Variants in FUT8 observed in about 807,000 individuals in gnomAD.
FUT8 encodes the protein alpha-(1,6)-fucosyltransferase.
A neutral mutation model predicts 71.3 loss-of-function variants in FUT8; 29 were observed. The observed-to-expected ratio is 0.41, with a 90% CI of 0.30 to 0.55. The LOEUF is 0.55. FUT8 is among the 20% of genes least tolerant of loss of function. FUT8 has a pLI of 0.34. For synonymous variants in FUT8, 254 were observed against 239.3 expected (o/e 1.06, Z -0.57); for missense variants, 544 against 702.1 (o/e 0.77, Z 2.55).
chr14:65,463,167 T>G (rs578002118), intron 2 of FUT8, among the ~76,000 whole-genome samples: 1 of 152,324 alleles, frequency 6.6e-6, no homozygotes, highest in Non-Finnish European at 1.5e-5. Context: ...ATATAGAAAT[T>G]AAATAGACAT....
chr14:65,446,452 A>G (rs942308472), intron 1 of FUT8, among the ~76,000 whole-genome samples: 29 of 152,214 alleles, frequency 1.9e-4, no homozygotes, highest in Admixed American at 1.2e-3. Context: ...ACTTAGATGG[A>G]TTAATTCATT....
chr14:65,477,102 G>GT (rs1424342876), intron 2 of FUT8, among the ~76,000 whole-genome samples: 1 of 152,170 alleles, frequency 6.6e-6, no homozygotes. Context: ...CCATCAGGGT[G>GT]TTTGTTTGAA....
At position 65,630,108 on chromosome 14, in the gene FUT8, T is replaced by G. The variant is rs1279655725; in HGVS notation, c.597+502T>G. The stretch of plus-strand genomic sequence containing the variant: ...AGTACAGGAACCCATATGATAAGTG[T>G]GGCAGTTCAGTTTGTCTGGAATTTT... On this transcript the variant is annotated intron_variant, in intron 6 of 10. Coordinates refer to ENST00000673929, the MANE Select transcript of FUT8 (RefSeq NM_001371533.1). 2.6e-5 allele frequency among the ~76,000 whole-genome samples: 4 copies of G among 152,204 alleles called. No individual in the cohort carries two copies. In the East Asian group the frequency reaches 7.7e-4, roughly 29 times the overall value.
intron 3 of FUT8, among the ~76,000 whole-genome samples, chr14:65,600,682 A>T (rs544411967): frequency 6.6e-6 from 1 of 152,260 alleles, no homozygotes; most frequent in African/African-American, 2.4e-5. Flanking sequence ...ATTATGTATA[A>T]TCTTGTACCT....
At chr14:65,679,827 A>G (rs1288997377) in intron 7 of FUT8, among the ~76,000 whole-genome samples, 2 of 152,210 alleles carry the variant, frequency 1.3e-5, no homozygotes, top group Admixed American at 1.3e-4. Flanking sequence ...GCTCTAAAAA[A>G]GGGCTTGACA....
chr14:65,520,052 T>TA (rs1185971328), intron 2 of FUT8, among the ~76,000 whole-genome samples: 2 of 152,238 alleles, frequency 1.3e-5, no homozygotes, highest in Non-Finnish European at 2.9e-5. Flanking sequence ...GTGCTGGAAT[T>TA]ACAGGCATGA....
At chr14:65,512,569 G>C (rs963560121) in intron 2 of FUT8, among the ~76,000 whole-genome samples, 5 of 152,032 alleles carry the variant, frequency 3.3e-5, no homozygotes, top group African/African-American at 1.2e-4. Flanking sequence ...GTTACTGAAC[G>C]TTCTAAAGGA....
intron 2 of FUT8, among the ~76,000 whole-genome samples, chr14:65,503,203 A>G (rs1050877544): frequency 5.3e-5 from 8 of 152,342 alleles, no homozygotes; most frequent in Non-Finnish European, 1.0e-4. Context: ...AAATGTGCCT[A>G]TCACTTGTAA....
At chr14:65,470,663 G>T (rs1304792510) in intron 2 of FUT8, among the ~76,000 whole-genome samples, 1 of 152,122 alleles carries the variant, frequency 6.6e-6, no homozygotes, top group Non-Finnish European at 1.5e-5. Context: ...GCCTGATGTG[G>T]GGTGGACCCT....
chr14:65,551,672 A>G (rs778562542), intron 2 of FUT8, among the ~76,000 whole-genome samples: 16 of 152,174 alleles, frequency 1.1e-4, no homozygotes, highest in Non-Finnish European at 1.6e-4. Context: ...AAACTCATCA[A>G]GTTGTATATA....
intron 6 of FUT8, among the ~76,000 whole-genome samples, chr14:65,641,114 A>G (rs1890807618): frequency 6.6e-6 from 1 of 152,190 alleles, no homozygotes; most frequent in African/African-American, 2.4e-5. Context: ...ACCACAATCA[A>G]GATAGTGAAC....
chr14:65,537,898 G>T (rs371964755), intron 2 of FUT8, among the ~76,000 whole-genome samples: 6 of 152,316 alleles, frequency 3.9e-5, no homozygotes. Flanking sequence ...ACTTTGATAG[G>T]TGGTGCCAGC....
intron 1 of FUT8, among the ~76,000 whole-genome samples, chr14:65,423,551 C>T (rs1308818307): frequency 5.3e-5 from 8 of 152,196 alleles, no homozygotes; most frequent in South Asian, 4.2e-4. Context: ...CGTGAGCCAC[C>T]GCGCCCGGCC....
chr14:65,396,674 T>G, the FUT8 span, among the ~76,000 whole-genome samples: 2 of 152,178 alleles, frequency 1.3e-5, no homozygotes, highest in South Asian at 4.1e-4. The surrounding 1 kb of genome is among the most constrained non-coding windows in gnomAD (Gnocchi z 5.5). Context: ...GTGTGTAAAT[T>G]AGAAATGGCT....
intron 1 of FUT8, among the ~76,000 whole-genome samples, chr14:65,420,679 T>C (rs2065280077): frequency 6.6e-6 from 1 of 151,960 alleles, no homozygotes; most frequent in South Asian, 2.1e-4. Flanking sequence ...TAATGACACT[T>C]TTCAGCACGT....
rs187998959 is a variant in FUT8 at position 65,441,293 on chromosome 14, G to T, written c.-325-14328G>T. Among the ~76,000 whole-genome samples the T allele has an allele frequency of 2.4e-3, 373 of 152,264 alleles. 2 individuals are homozygous for T. The highest frequency in any genetic ancestry group is 8.6e-3 in the African/African-American group (356 of 41,560). ...TTGAAATACAGATGTCAGTTTAATT[G>T]TAATTCATAGTATTGAACCTTAGAA... is the stretch of plus-strand genomic sequence containing the variant. On this transcript the variant is annotated intron_variant, in intron 1 of 10. Coordinates refer to ENST00000673929, the MANE Select transcript of FUT8 (RefSeq NM_001371533.1).
chr14:65,572,561 A>G lies in FUT8; in HGVS notation c.203+10795A>G, dbSNP rs537331346. Among the ~76,000 whole-genome samples, 5 of 152,068 alleles carry G rather than the reference A, an allele frequency of 3.3e-5. No homozygotes were observed. In the East Asian group the frequency reaches 5.8e-4, roughly 18 times the overall value. On this transcript the variant is annotated intron_variant, in intron 3 of 10. Coordinates refer to ENST00000673929, the MANE Select transcript of FUT8 (RefSeq NM_001371533.1). ...CTTTTTCCACAGAAAATGTGCAACA[A>G]TCCTTTTTTGCCTAACACCCTTTGC...
chr14:65,382,211 G>C, the FUT8 span, among the ~76,000 whole-genome samples: 1 of 152,152 alleles, frequency 6.6e-6, no homozygotes, highest in South Asian at 2.1e-4. Context: ...GTTCTCAAAT[G>C]TCCACCCTTA....
chr14:65,431,473 CTTTTTTTTGGTA>C (rs1242929894), intron 1 of FUT8, among the ~76,000 whole-genome samples: 1 of 151,270 alleles, frequency 6.6e-6, no homozygotes, highest in Non-Finnish European at 1.5e-5. Flanking sequence ...CCATACCCGG[CTTTTTTTTGGTA>C]TTTTTTTTGT....
Sources: allele counts gnomAD v4.1 joint callset (sites outside exome capture counted in the v4.1 genomes callset), GRCh38; gene constraint gnomAD v4.1.1; non-coding constraint Gnocchi (gnomAD v3.1); transcripts MANE v1.5; gene names NCBI Gene and HGNC (gene_info 2026-07-23, HGNC 2026-07-21).